The following GABRG3 variants were observed in gnomAD, a reference collection of about 807,000 sequenced individuals.
The protein encoded by GABRG3 is gamma-aminobutyric acid receptor subunit gamma-3.
A neutral mutation model predicts 48.8 loss-of-function variants in GABRG3; 25 were observed. The observed-to-expected ratio is 0.51, with a 90% CI of 0.37 to 0.72. The LOEUF (loss-of-function observed/expected upper bound fraction) is 0.72. Among genes scored for constraint, GABRG3 ranks in the 30% least tolerant of loss-of-function variants. GABRG3 has a pLI of 0.00. For synonymous variants in GABRG3, 227 were observed against 217.6 expected, an observed-to-expected ratio of 1.04 and a Z score of -0.38; for missense variants, 394 against 577.9, an observed-to-expected ratio of 0.68 and a Z score of 3.26.
intron 5 of GABRG3, among the ~76,000 whole-genome samples, chr15:27,371,297 T>C (rs552355636): frequency 6.6e-6 from 1 of 152,166 alleles, no homozygotes; most frequent in African/African-American, 2.4e-5. Flanking sequence ...TTTTCTGAAT[T>C]GTATGTCATG....
At chr15:27,103,636 A>G (rs762953748) in intron 3 of GABRG3, among the ~76,000 whole-genome samples, 15 of 152,194 alleles carry the variant, frequency 9.9e-5, no homozygotes, top group African/African-American at 1.2e-4. Context: ...GATTACAAAC[A>G]TGTTACACAT....
chr15:27,484,092 G>A (rs1398784154), intron 6 of GABRG3, among the ~76,000 whole-genome samples: 3 of 152,104 alleles, frequency 2.0e-5, no homozygotes, highest in African/African-American at 4.8e-5. Context: ...CTGCCACCAC[G>A]CCTGGCTAAT....
intron 3 of GABRG3, among the ~76,000 whole-genome samples, chr15:27,147,560 A>G (rs1595551559): frequency 6.6e-6 from 1 of 152,124 alleles, no homozygotes; most frequent in Non-Finnish European, 1.5e-5. Flanking sequence ...GGGGGACACA[A>G]TTGTGTATTA....
chr15:27,292,555 G>A (rs904345755), intron 3 of GABRG3, among the ~76,000 whole-genome samples: 5 of 151,906 alleles, frequency 3.3e-5, no homozygotes, highest in African/African-American at 1.2e-4. Context: ...GTACATATAT[G>A]TAATCATACT....
intron 3 of GABRG3, among the ~76,000 whole-genome samples, chr15:27,288,687 T>C (rs949381106): frequency 6.7e-6 from 1 of 148,568 alleles, no homozygotes; most frequent in Admixed American, 6.8e-5. Context: ...CACTCCAGCC[T>C]GGGCAACAAG....
At chr15:27,228,695 G>A (rs191196663) in intron 3 of GABRG3, among the ~76,000 whole-genome samples, 208 of 152,276 alleles carry the variant, frequency 1.4e-3, no homozygotes, top group African/African-American at 4.8e-3. Context: ...GTGTATAAGG[G>A]TTCCCTTTTC....
At chr15:27,283,270 C>T (rs1891496609) in intron 3 of GABRG3, among the ~76,000 whole-genome samples, 1 of 152,266 alleles carries the variant, frequency 6.6e-6, no homozygotes, top group South Asian at 2.1e-4. Flanking sequence ...CATGAATTTT[C>T]TTCTGGTATT....
intron 6 of GABRG3, among the ~76,000 whole-genome samples, chr15:27,507,778 A>G (rs1890797106): frequency 6.6e-6 from 1 of 152,070 alleles, no homozygotes; most frequent in Non-Finnish European, 1.5e-5. Flanking sequence ...AACTATATTT[A>G]TTTCTTTGTG....
At chr15:27,101,019 A>G (rs777838523) in intron 3 of GABRG3, among the ~76,000 whole-genome samples, 31 of 152,290 alleles carry the variant, frequency 2.0e-4, no homozygotes, top group Middle Eastern at 6.8e-3. Context: ...CAAGAGTAAA[A>G]TAAGTGTCCT....
intron 3 of GABRG3, among the ~76,000 whole-genome samples, chr15:27,182,242 G>A (rs957681959): frequency 1.4e-4 from 22 of 152,140 alleles, no homozygotes; most frequent in African/African-American, 5.1e-4. Flanking sequence ...TGAAATGCAG[G>A]CAGGTGCCTG....
Position 27,538,917 on chromosome 15 carries a change from A to G in GABRG3, c.*6036A>G, listed in dbSNP as rs1481040732. On this transcript the variant is annotated 3_prime_UTR_variant, in exon 10 of 10. Transcript: ENST00000615808. ...ATGTGTTTCTTAGGTATCTAAGGAT[A>G]CATGAGCGAGCCCACAGCACAATTA... 1 of 152,244 alleles carries G rather than the reference A, an allele frequency of 6.6e-6. No individual in the cohort carries two copies. The highest frequency in any genetic ancestry group is 1.5e-5 in the Non-Finnish European group (1 of 68,048). 9.4% of individuals were successfully genotyped at this position (152,244 alleles called of 1,614,324 possible). A position where few individuals can be genotyped will look rare whatever the true frequency, so the allele number is the denominator to read the frequency against.
chr15:27,369,700 A>G (rs1163348938), intron 5 of GABRG3, among the ~76,000 whole-genome samples: 4 of 150,436 alleles, frequency 2.7e-5, no homozygotes, highest in Admixed American at 2.0e-4. Flanking sequence ...CCAGCTACTC[A>G]GGAGGCTGAG....
At position 26,988,976 on chromosome 15, in the gene GABRG3, A is replaced by G. The variant is rs146112418; in HGVS notation, c.202+11826A>G. Among the ~76,000 whole-genome samples the G allele has an allele frequency of 8.8e-3, 1,341 of 152,266 alleles. 12 individuals are homozygous for G. The highest frequency in any genetic ancestry group is 0.017 in the Admixed American group (254 of 15,302). On this transcript the variant is annotated intron_variant, in intron 2 of 9. Transcript: ENST00000615808. ...AGTGTACAGTCCAATGGCTTTCAGT[A>G]TATTCACAATATTGTGCAGCCATAA...
At chr15:27,456,486 G>A (rs1018895209) in intron 5 of GABRG3, among the ~76,000 whole-genome samples, 1 of 152,198 alleles carries the variant, frequency 6.6e-6, no homozygotes, top group African/African-American at 2.4e-5. Flanking sequence ...CCCCGGGAAG[G>A]ACCCGCAGAG....
At chr15:27,198,862 G>A (rs1243350139) in intron 3 of GABRG3, among the ~76,000 whole-genome samples, 1 of 152,100 alleles carries the variant, frequency 6.6e-6, no homozygotes, top group East Asian at 1.9e-4. Context: ...GGATGAAGCT[G>A]GAAACCATCA....
chr15:27,477,533 C>G (rs544747479), intron 5 of GABRG3, among the ~76,000 whole-genome samples: 1 of 152,084 alleles, frequency 6.6e-6, no homozygotes, highest in Admixed American at 6.6e-5. Context: ...ACCCATAGAA[C>G]GTGCAACACC....
rs1352695582 is a variant in GABRG3, at chr15:27,307,793, T to TATAAAATAAACATAAAC, written c.271-19012_271-18996dup. Among the ~76,000 whole-genome samples the TATAAAATAAACATAAAC allele has an allele frequency of 1.7e-4, 22 of 130,432 alleles. No individual in the cohort carries two copies. In the South Asian group the frequency reaches 4.3e-3, roughly 26 times the overall value. 85.6% of individuals were successfully genotyped at this position (130,432 alleles called of 152,430 possible). On this transcript the variant is annotated intron_variant, in intron 3 of 9. Coordinates refer to ENST00000615808, the MANE Select transcript of GABRG3 (RefSeq NM_033223.5). ...ACATATGTTTATATATAAACATATA[T>TATAAAATAAACATAAAC]ATAAAATAAACATAAACATATATAA...
At chr15:27,137,232 A>G (rs1313654222) in intron 3 of GABRG3, among the ~76,000 whole-genome samples, 1 of 152,182 alleles carries the variant, frequency 6.6e-6, no homozygotes, top group East Asian at 1.9e-4. Flanking sequence ...CATAGCATCT[A>G]TTGAGAGCTC....
intron 5 of GABRG3, among the ~76,000 whole-genome samples, chr15:27,367,163 G>A (rs910593578): frequency 6.6e-6 from 1 of 152,030 alleles, no homozygotes; most frequent in Admixed American, 6.6e-5. Context: ...TTCCATCCTC[G>A]TACCCTCCTG....
Sources: allele counts gnomAD v4.1 joint callset (sites outside exome capture counted in the v4.1 genomes callset), GRCh38; gene constraint gnomAD v4.1.1; transcripts MANE v1.5; gene names NCBI Gene and HGNC (gene_info 2026-07-23, HGNC 2026-07-21).